The following ZNF438 variants were observed in gnomAD, a reference collection of about 807,000 sequenced individuals.
The protein encoded by ZNF438 is zinc finger protein 438.
A neutral mutation model predicts 38.0 loss-of-function variants in ZNF438; 25 were observed. That is an observed-to-expected ratio of 0.66 (90% confidence interval 0.48 to 0.92). The LOEUF (loss-of-function observed/expected upper bound fraction) is 0.92, where lower values mean the gene tolerates loss of function less well. Ranked by LOEUF, ZNF438 falls within the 40% of genes least tolerant of loss-of-function variation. The pLI, the probability that ZNF438 is intolerant of heterozygous loss-of-function variation, is 0.00. For synonymous variants in ZNF438, 372 were observed against 364.1 expected, an observed-to-expected ratio of 1.02 and a Z score of -0.25; for missense variants, 1,007 against 999.6, an observed-to-expected ratio of 1.01 and a Z score of -0.10.
intron 1 of ZNF438, among the ~76,000 whole-genome samples, chr10:30,992,459 T>A (rs1408999750): frequency 6.6e-6 from 1 of 151,334 alleles, no homozygotes; most frequent in Non-Finnish European, 1.5e-5. Flanking sequence ...GTCGCCCAAG[T>A]TGGAGTGCAA....
At chr10:30,941,789 G>A (rs371386579) in intron 1 of ZNF438, 138 bp from the exon 3 acceptor site, 3 of 152,088 alleles carry the variant, frequency 2.0e-5, no homozygotes, top group East Asian at 1.9e-4. Flanking sequence ...CTTATACCAC[G>A]TATAATTTAA....
At chr10:30,872,958 T>A (rs1467464994) in intron 4 of ZNF438, among the ~76,000 whole-genome samples, 1 of 152,148 alleles carries the variant, frequency 6.6e-6, no homozygotes, top group African/African-American at 2.4e-5. Flanking sequence ...GACACATACA[T>A]TGTCCCTGTC....
intron 3 of ZNF438, among the ~76,000 whole-genome samples, chr10:30,878,387 A>G (rs1397623668): frequency 1.3e-5 from 2 of 152,154 alleles, no homozygotes; most frequent in Non-Finnish European, 1.5e-5. Flanking sequence ...GCTTAACTTC[A>G]GAGGGACGCT....
intron 4 of ZNF438, among the ~76,000 whole-genome samples, chr10:30,868,560 T>C (rs946218649): frequency 3.3e-5 from 5 of 152,176 alleles, no homozygotes; most frequent in Admixed American, 1.3e-4. Flanking sequence ...AAAGCATTAC[T>C]AGATTTATGA....
intron 1 of ZNF438, among the ~76,000 whole-genome samples, chr10:31,017,472 C>A (rs1388335866): frequency 1.3e-5 from 2 of 152,208 alleles, no homozygotes; most frequent in African/African-American, 2.4e-5. Flanking sequence ...GCAAGCCAAA[C>A]TTATGGGATC....
chr10:30,928,765 C>T (rs941947756), intron 2 of ZNF438, among the ~76,000 whole-genome samples: 37 of 152,134 alleles, frequency 2.4e-4, no homozygotes, highest in Non-Finnish European at 4.7e-4. Context: ...CCAATTTTTT[C>T]AGAGAACAAA....
At chr10:30,880,785 T>G (rs559651519) in intron 3 of ZNF438, among the ~76,000 whole-genome samples, 23 of 152,276 alleles carry the variant, frequency 1.5e-4, no homozygotes, top group Non-Finnish European at 2.9e-4. Context: ...AATATGAGAA[T>G]ACGTCATGAC....
At chr10:30,934,872 G>A (rs1199268575) in intron 2 of ZNF438, among the ~76,000 whole-genome samples, 1 of 152,224 alleles carries the variant, frequency 6.6e-6, no homozygotes, top group African/African-American at 2.4e-5. Context: ...CTACTACACT[G>A]AGGTATTAAA....
At chr10:30,947,596 G>A in intron 1 of ZNF438, among the ~76,000 whole-genome samples, 1 of 152,250 alleles carries the variant, frequency 6.6e-6, no homozygotes, top group Non-Finnish European at 1.5e-5. Flanking sequence ...AATCAAGCCT[G>A]GGCAATGGCG....
chr10:30,930,798 T>A (rs1589254315), intron 2 of ZNF438, among the ~76,000 whole-genome samples: 1 of 23,664 alleles, frequency 4.2e-5, no homozygotes. Context: ...AGAGAGAAAC[T>A]CAGTCAAAAA....
At chr10:30,938,177 T>C (rs12258382) in intron 2 of ZNF438, among the ~76,000 whole-genome samples, 1 of 152,298 alleles carries the variant, frequency 6.6e-6, no homozygotes, top group South Asian at 2.1e-4. Flanking sequence ...TCAGCCAACA[T>C]GAATTAACCA....
chr10:30,921,360 T>C (rs191488416), intron 2 of ZNF438: 9 of 152,350 alleles, frequency 5.9e-5, no homozygotes, highest in Non-Finnish European at 1.0e-4. Context: ...ATTTGCCTAT[T>C]GACTTATAGT....
intron 1 of ZNF438, among the ~76,000 whole-genome samples, chr10:31,009,871 A>C (rs1406742959): frequency 8.8e-6 from 1 of 114,166 alleles, no homozygotes; most frequent in East Asian, 2.8e-4. Context: ...TTTGAGATGG[A>C]GTCTCACTCT....
intron 1 of ZNF438, 148 bp from the exon 2 acceptor site, chr10:30,984,574 A>G (rs1017033353): frequency 3.3e-5 from 5 of 152,196 alleles, no homozygotes; most frequent in Non-Finnish European, 7.4e-5. Context: ...GAAGAAAATA[A>G]TTCCATAGTT....
chr10:30,912,945 TTC>T (rs1351003291), intron 2 of ZNF438, among the ~76,000 whole-genome samples: 1 of 152,034 alleles, frequency 6.6e-6, no homozygotes, highest in Non-Finnish European at 1.5e-5. Flanking sequence ...TTTAATACAG[TTC>T]TCTTTCCTCT....
chr10:30,890,568 C>T (rs1342849969), intron 3 of ZNF438, among the ~76,000 whole-genome samples: 1 of 152,170 alleles, frequency 6.6e-6, no homozygotes, highest in Non-Finnish European at 1.5e-5. Flanking sequence ...AGGTCAGGTC[C>T]TCACTGCTTG....
chr10:30,943,859 AAAACAAACAAAC>A (rs10522911), intron 1 of ZNF438, among the ~76,000 whole-genome samples: 32 of 150,602 alleles, frequency 2.1e-4, no homozygotes, highest in African/African-American at 2.7e-4. Flanking sequence ...TTGAGATGGT[AAAACAAACAAAC>A]AAACAAACAA....
intron 3 of ZNF438, among the ~76,000 whole-genome samples, chr10:30,905,233 A>T (rs942002689): frequency 1.3e-5 from 2 of 152,182 alleles, no homozygotes; most frequent in Non-Finnish European, 2.9e-5. Flanking sequence ...TTACATCCCC[A>T]CCAGTAATGT....
intron 1 of ZNF438, among the ~76,000 whole-genome samples, chr10:31,030,576 G>A (rs771211269): frequency 6.6e-6 from 1 of 152,208 alleles, no homozygotes. Context: ...CCAAGTTTGC[G>A]TGACTTGTCC....
Sources: gnomAD v4.1 joint callset for allele counts (sites outside exome capture counted in the v4.1 genomes callset) on GRCh38, gnomAD v4.1.1 for gene constraint, MANE v1.5 for transcripts, NCBI Gene and HGNC (gene_info 2026-07-23, HGNC 2026-07-21) for gene names.